ATP2B2: variants seen among roughly 807,000 people sequenced by gnomAD.
ATP2B2 encodes the protein ATPase plasma membrane Ca2+ transporting 2.
Under a neutral mutation model 120.0 loss-of-function variants are expected in ATP2B2, and 15 were observed. The ratio of observed to expected loss-of-function variants is 0.12; its 90% confidence interval spans 0.08 to 0.19. The LOEUF is 0.19. ATP2B2 is among the 10% of genes least tolerant of loss of function. ATP2B2 has a pLI of 1.00. For missense variants in ATP2B2, 1,045 were observed against 1,719.8 expected (o/e 0.61, Z 6.94); for synonymous variants, 694 against 700.3 (o/e 0.99, Z 0.14).
rs2069989184 is a variant in ATP2B2, at chr3:10,635,256, C to T, written c.-459-15295G>A. Among the ~76,000 whole-genome samples the T allele has an allele frequency of 6.6e-6, 1 of 152,094 alleles. No individual in the cohort carries two copies. The highest frequency in any genetic ancestry group is 6.5e-5 in the Admixed American group (1 of 15,276). On this transcript the variant is annotated intron_variant, in intron 1 of 21. Transcript: ENST00000646379. The surrounding 1 kb of genome is among the most constrained non-coding windows in gnomAD (Gnocchi z 4.3). ...ATTTGGGGATGTTGGCAACTAATTC[C>T]AGTTTAAAACCCATAACATTCAACA...
At chr3:10,543,267 C>A (rs866810530) in intron 2 of ATP2B2, among the ~76,000 whole-genome samples, 4 of 152,338 alleles carry the variant, frequency 2.6e-5, no homozygotes, top group Middle Eastern at 3.4e-3. Flanking sequence ...TTAAGCCACC[C>A]AGTCTGTGGT....
At chr3:10,636,937 G>T (rs2125646112) in intron 1 of ATP2B2, among the ~76,000 whole-genome samples, 1 of 152,326 alleles carries the variant, frequency 6.6e-6, no homozygotes, top group Non-Finnish European at 1.5e-5. Flanking sequence ...CCCAAGTCCA[G>T]GGAAGGAACC....
chr3:10,437,910 G>C lies in ATP2B2; in HGVS notation c.199+11435C>G, dbSNP rs574592644. On this transcript the variant is annotated intron_variant, in intron 2 of 22. Transcript: ENST00000360273. Reference sequence around the variant, plus strand: ...GAGAGACAGATATGCATAGTGGGAAGATAATGTGAACAGACACTGGGAGAA... The same window carrying C: ...GAGAGACAGATATGCATAGTGGGAACATAATGTGAACAGACACTGGGAGAA... 2.6e-5 allele frequency among the ~76,000 whole-genome samples: 4 copies of C among 152,310 alleles called. No homozygotes were observed. In the East Asian group the frequency reaches 7.7e-4, roughly 29 times the overall value.
At chr3:10,617,330 C>A (rs973846501) in intron 2 of ATP2B2, among the ~76,000 whole-genome samples, 1 of 152,106 alleles carries the variant, frequency 6.6e-6, no homozygotes, top group Non-Finnish European at 1.5e-5. Flanking sequence ...TAAAAGATTC[C>A]CAGGGTTTCT....
Position 10,707,897 on chromosome 3 carries a change from C to G in ATP2B2, c.-460+18G>C, listed in dbSNP as rs1323974210. On this transcript the variant is annotated intron_variant, in intron 1 of 21. Coordinates refer to the ATP2B2 transcript ENST00000646379. The stretch of plus-strand genomic sequence containing the variant: ...GGGGAAGAGGCCCAGAGCCCGGGCC[C>G]GGCCGCCCCTGCCTCACCTGCGCCG... 2.6e-5 allele frequency: 4 copies of G among 152,510 alleles called. No individual in the cohort carries two copies. In the East Asian group the frequency reaches 5.8e-4, roughly 22 times the overall value. 9.4% of individuals were successfully genotyped at this position (152,510 alleles called of 1,614,324 possible). A position where few individuals can be genotyped will look rare whatever the true frequency, so the allele number is the denominator to read the frequency against.
chr3:10,484,463 C>T lies in ATP2B2; in HGVS notation c.-320+21002G>A, dbSNP rs2065550087. On this transcript the variant is annotated intron_variant, in intron 1 of 22. Transcript: ENST00000360273. Reference sequence around the variant, plus strand: ...TCCCCGTACCCCCACAGCCACCTCACTGCTGGCCGCGGGGGTCTCTGTGGC... The same window carrying T: ...TCCCCGTACCCCCACAGCCACCTCATTGCTGGCCGCGGGGGTCTCTGTGGC... Among the ~76,000 whole-genome samples the T allele has an allele frequency of 2.0e-5, 3 of 152,162 alleles. No homozygotes were observed. In the South Asian group the frequency reaches 6.2e-4, roughly 32 times the overall value.
intron 2 of ATP2B2, among the ~76,000 whole-genome samples, chr3:10,417,330 G>A (rs1318392647): frequency 1.3e-5 from 2 of 151,670 alleles, no homozygotes; most frequent in African/African-American, 2.4e-5. Flanking sequence ...GGGCAGAGGG[G>A]CTCCTCATAT....
intron 2 of ATP2B2, among the ~76,000 whole-genome samples, chr3:10,430,056 G>A (rs1427040987): frequency 1.3e-5 from 2 of 152,174 alleles, no homozygotes; most frequent in Non-Finnish European, 2.9e-5. Flanking sequence ...AAGAAAATAA[G>A]CCATTTCTGT....
At chr3:10,383,363 C>T (rs575957942) in intron 8 of ATP2B2, among the ~76,000 whole-genome samples, 2 of 152,300 alleles carry the variant, frequency 1.3e-5, no homozygotes, top group South Asian at 2.1e-4. Flanking sequence ...CCGCTACACA[C>T]CAGCATATTC....
At chr3:10,390,498 T>TTG (rs61552990) in intron 5 of ATP2B2, among the ~76,000 whole-genome samples, 22,732 of 148,156 alleles carry the variant, frequency 0.15, 2,945 homozygotes, top group African/African-American at 0.35. Context: ...GTGCATGCTT[T>TTG]TGTGTGTGTG....
chr3:10,686,708 T>C (rs180722133), intron 1 of ATP2B2, among the ~76,000 whole-genome samples: 151 of 151,942 alleles, frequency 9.9e-4, no homozygotes, highest in African/African-American at 3.5e-3. Flanking sequence ...GGCACTGTGC[T>C]AGGTGCTTGT....
At chr3:10,373,328 C>T (rs144870661) in intron 11 of ATP2B2, among the ~76,000 whole-genome samples, 13 of 152,296 alleles carry the variant, frequency 8.5e-5, no homozygotes, top group Middle Eastern at 6.8e-3. Context: ...AACCTACCTC[C>T]GTTTAACCTC....
At chr3:10,437,680 G>A (rs1441742957) in intron 2 of ATP2B2, among the ~76,000 whole-genome samples, 1 of 152,196 alleles carries the variant, frequency 6.6e-6, no homozygotes, top group Non-Finnish European at 1.5e-5. Flanking sequence ...GTTTTCCCAT[G>A]TCAGAGTGTT....
intron 22 of ATP2B2, among the ~76,000 whole-genome samples, chr3:10,335,672 G>T (rs547982102): frequency 1.1e-4 from 16 of 152,286 alleles, no homozygotes; most frequent in Admixed American, 5.2e-4. Context: ...TGACCCTTCT[G>T]CTGACTTTGA....
intron 1 of ATP2B2, among the ~76,000 whole-genome samples, chr3:10,483,863 G>A (rs73811907): frequency 0.051 from 7,748 of 152,292 alleles, 672 homozygotes; most frequent in African/African-American, 0.18. Context: ...CTTGGGGGCC[G>A]GTGCATTGGC....
At chr3:10,435,356 T>C (rs2063448422) in intron 2 of ATP2B2, among the ~76,000 whole-genome samples, 1 of 152,108 alleles carries the variant, frequency 6.6e-6, no homozygotes. Context: ...GGGGGTGGTA[T>C]GGTTCTTCAC....
intron 2 of ATP2B2, among the ~76,000 whole-genome samples, chr3:10,537,897 C>A (rs2067353767): frequency 1.3e-5 from 2 of 152,138 alleles, no homozygotes; most frequent in Non-Finnish European, 2.9e-5. Context: ...TTGATGGATA[C>A]CATCATGTGA....
In ATP2B2 at chr3:10,343,113, C is replaced by T; in HGVS notation, c.2704-148G>A. On this transcript the variant is annotated intron_variant, in intron 18 of 22. Transcript: ENST00000360273. The surrounding 1 kb of genome is among the most constrained non-coding windows in gnomAD (Gnocchi z 4.2). ...GCTCCCCAGCAGGCATGGAGTTGTT[C>T]TCTGATGCCTTCTCTGGAGAACAGT... 1.3e-6 allele frequency: 1 copy of T among 762,124 alleles called. No individual in the cohort carries two copies. Among genetic ancestry groups the T allele is most frequent in the African/African-American group, 1.7e-5 (1 of 58,112 alleles). 47.2% of individuals were successfully genotyped at this position (762,124 alleles called of 1,614,324 possible).
chr3:10,401,449 T>C (rs2062216461), intron 4 of ATP2B2, among the ~76,000 whole-genome samples: 1 of 152,220 alleles, frequency 6.6e-6, no homozygotes, highest in African/African-American at 2.4e-5. Context: ...CCAGTCTCTC[T>C]TGGCTAGGTT....
Sources: allele counts gnomAD v4.1 joint callset (sites outside exome capture counted in the v4.1 genomes callset), GRCh38; gene constraint gnomAD v4.1.1; non-coding constraint Gnocchi (gnomAD v3.1); transcripts MANE v1.5; gene names NCBI Gene and HGNC (gene_info 2026-07-23, HGNC 2026-07-21).